The following UNC79 variants were observed in gnomAD, a reference collection of about 807,000 sequenced individuals.
UNC79 encodes protein unc-79 homolog.
UNC79 carries 37 observed loss-of-function variants against 283.1 expected under a neutral mutation model. The ratio of observed to expected loss-of-function variants is 0.13; its 90% CI spans 0.10 to 0.17. The LOEUF (loss-of-function observed/expected upper bound fraction) is 0.17, where lower values mean the gene tolerates loss of function less well. Ranked by LOEUF, UNC79 falls within the 10% of genes least tolerant of loss-of-function variation. UNC79 has a pLI of 1.00. For synonymous variants in UNC79, 1,107 were observed against 1,200.2 expected (o/e 0.92, Z 1.61); for missense variants, 2,272 against 3,211.1 (o/e 0.71, Z 7.07).
chr14:93,660,520 C>CATATATATAT (rs57703735), intron 39 of UNC79, among the ~76,000 whole-genome samples: 164 of 48,662 alleles, frequency 3.4e-3, no homozygotes, highest in Admixed American at 5.3e-3. Flanking sequence ...AAGACAATAG[C>CATATATATAT]ATATATATAT....
At chr14:93,554,352 CAA>C (rs779847738) in intron 14 of UNC79, among the ~76,000 whole-genome samples, 35 of 76,310 alleles carry the variant, frequency 4.6e-4, no homozygotes, top group Admixed American at 6.0e-4. Context: ...GACTCTGTCT[CAA>C]AAAAAAAAAA....
intron 30 of UNC79, among the ~76,000 whole-genome samples, chr14:93,624,101 G>T (rs779063144): frequency 6.6e-6 from 1 of 152,118 alleles, no homozygotes; most frequent in African/African-American, 2.4e-5. Context: ...CAGAAGCAGT[G>T]CCTGATTCCA....
intron 1 of UNC79, among the ~76,000 whole-genome samples, chr14:93,441,905 A>G (rs186073242): frequency 1.6e-3 from 249 of 152,266 alleles, no homozygotes; most frequent in Middle Eastern, 3.4e-3. Context: ...CATTTCTAAT[A>G]GATCCTTTAG....
chr14:93,590,292 A>G (rs940726749), intron 22 of UNC79, among the ~76,000 whole-genome samples: 10 of 152,152 alleles, frequency 6.6e-5, no homozygotes, highest in Admixed American at 2.0e-4. Flanking sequence ...TGGAGGATCT[A>G]TAGAAGTTTC....
intron 1 of UNC79, among the ~76,000 whole-genome samples, chr14:93,368,585 C>G (rs1347167559): frequency 6.6e-6 from 1 of 152,098 alleles, no homozygotes; most frequent in African/African-American, 2.4e-5. Flanking sequence ...AGTCTCATGC[C>G]TCAGCCTTCT....
chr14:93,348,160 C>A, intron 1 of UNC79: 1 of 1,290,084 alleles, frequency 7.8e-7, no homozygotes, highest in Non-Finnish European at 1.1e-6. Context: ...GTCCAAAAAA[C>A]TTTCAGAAAA....
chr14:93,697,424 C>G (rs2075219415), intron 47 of UNC79, among the ~76,000 whole-genome samples: 1 of 152,216 alleles, frequency 6.6e-6, no homozygotes, highest in South Asian at 2.1e-4. Flanking sequence ...GTGTGAGCCA[C>G]TATGCCCGGC....
At chr14:93,571,375 T>G (rs2063198638) in intron 14 of UNC79, among the ~76,000 whole-genome samples, 1 of 152,218 alleles carries the variant, frequency 6.6e-6, no homozygotes, top group South Asian at 2.1e-4. Context: ...TCAACTACCT[T>G]TAGAACATTC....
chr14:93,512,676 T>A (rs2059882724), intron 7 of UNC79, among the ~76,000 whole-genome samples: 2 of 152,182 alleles, frequency 1.3e-5, no homozygotes, highest in South Asian at 4.1e-4. Context: ...GAGTTAGTAA[T>A]TTTATATATG....
intron 1 of UNC79, among the ~76,000 whole-genome samples, chr14:93,389,164 G>A (rs375965386): frequency 1.1e-4 from 17 of 152,254 alleles, no homozygotes; most frequent in African/African-American, 4.1e-4. Context: ...GGTTAGGATG[G>A]CTCCTCAAGG....
At chr14:93,349,930 TTAAAAA>T (rs2053950081) in intron 1 of UNC79, among the ~76,000 whole-genome samples, 2 of 152,102 alleles carry the variant, frequency 1.3e-5, no homozygotes, top group Middle Eastern at 3.4e-3. Flanking sequence ...AGATAAACTG[TTAAAAA>T]TAAAAAAAAT....
chr14:93,517,331 T>G (rs940507310), intron 7 of UNC79, among the ~76,000 whole-genome samples: 1 of 148,112 alleles, frequency 6.8e-6, no homozygotes, highest in Non-Finnish European at 1.5e-5. Flanking sequence ...TTCTCTTTTT[T>G]TTTTTTTTTT....
At chr14:93,426,167 T>C (rs909659972), upstream of UNC79, among the ~76,000 whole-genome samples, 1 of 152,146 alleles carries the variant, frequency 6.6e-6, no homozygotes, top group Non-Finnish European at 1.5e-5. Context: ...CTGATATCCA[T>C]TGTTTCTGAT....
chr14:93,341,321 G>C (rs1056108360), intron 1 of UNC79, among the ~76,000 whole-genome samples: 1 of 152,034 alleles, frequency 6.6e-6, no homozygotes, highest in Non-Finnish European at 1.5e-5. Flanking sequence ...GCCAGGCGTG[G>C]TGGTACATGG....
At chr14:93,638,578 G>C (rs916523092) in intron 32 of UNC79, among the ~76,000 whole-genome samples, 5 of 152,202 alleles carry the variant, frequency 3.3e-5, no homozygotes, top group African/African-American at 1.2e-4. Flanking sequence ...GACTCGCAAA[G>C]GGACTTTTGT....
Position 93,335,788 on chromosome 14 carries a change from G to A in UNC79, c.-351+2265G>A, listed in dbSNP as rs1473449808. The stretch of plus-strand genomic sequence containing the variant: ...AACCATGACATCATTTGAATACCTG[G>A]GCCTACCTGGGCCTGAAACCAACCC... On this transcript the variant is annotated intron_variant, in intron 1 of 49. Transcript: ENST00000256339. Among the ~76,000 whole-genome samples, 14 of 152,234 alleles carry A rather than the reference G, an allele frequency of 9.2e-5. No homozygotes were observed. In the East Asian group the frequency reaches 2.5e-3, roughly 27 times the overall value.
At chr14:93,692,160 T>C (rs1456169083) in intron 46 of UNC79, among the ~76,000 whole-genome samples, 1 of 152,180 alleles carries the variant, frequency 6.6e-6, no homozygotes, top group Admixed American at 6.5e-5. Flanking sequence ...GTTCAAGAGA[T>C]CTATTGTACG....
chr14:93,601,528 A>C (rs748393229), intron 25 of UNC79, among the ~76,000 whole-genome samples: 11 of 152,212 alleles, frequency 7.2e-5, no homozygotes, highest in African/African-American at 4.8e-5. Flanking sequence ...GGCTGGTTCC[A>C]TATTTTTGCA....
intron 1 of UNC79, among the ~76,000 whole-genome samples, chr14:93,396,776 T>A (rs905681055): frequency 3.5e-5 from 5 of 144,570 alleles, no homozygotes; most frequent in African/African-American, 1.3e-4. Context: ...CATGTGTGTG[T>A]ATGTGTGTGT....
Sources: gnomAD v4.1 joint callset for allele counts (sites outside exome capture counted in the v4.1 genomes callset) on GRCh38, gnomAD v4.1.1 for gene constraint, MANE v1.5 for transcripts, NCBI Gene and HGNC (gene_info 2026-07-23, HGNC 2026-07-21) for gene names.